The following MYH10 variants were observed in gnomAD, a reference collection of about 807,000 sequenced individuals.
MYH10 encodes myosin-10.
MYH10 carries 55 observed loss-of-function variants against 257.8 expected under a neutral mutation model. The ratio of observed to expected loss-of-function variants is 0.21; its 90% CI spans 0.17 to 0.27. The LOEUF (loss-of-function observed/expected upper bound fraction) is 0.27. Among genes scored for constraint, MYH10 ranks in the 10% least tolerant of loss-of-function variants. The pLI, the probability that MYH10 is intolerant of heterozygous loss-of-function variation, is 1.00. For synonymous variants in MYH10, 854 were observed against 921.7 expected, an observed-to-expected ratio of 0.93 and a Z score of 1.33; for missense variants, 1,631 against 2,500.6, an observed-to-expected ratio of 0.65 and a Z score of 7.42.
chr17:8,509,889 C>A lies in MYH10; in HGVS notation c.3013G>T (p.Val1005Leu). The A allele has an allele frequency of 6.2e-7, 1 of 1,613,372 alleles. No homozygotes were observed. The highest frequency in any genetic ancestry group is 8.5e-7 in the Non-Finnish European group (1 of 1,179,644). ...TTCTTGATCTTGGCCTCTGCTGTCA[C>A]CTTTTCCAGCTGCAGCTTTTGCCGA... is the stretch of plus-strand genomic sequence containing the variant. ...GARQKLQLEK[V>L]TAEAKIKKME... The change falls in exon 25 of 43, where the codon GTG becomes TTG. Residue 1005 changes from valine to leucine, a missense_variant. Coordinates refer to ENST00000360416, the MANE Select transcript of MYH10 (RefSeq NM_001256012.3).
At chr17:8,480,072 T>C (rs1913437159) in intron 40 of MYH10, 38 bp downstream of exon 40, 1 of 1,603,776 alleles carries the variant, frequency 6.2e-7, no homozygotes, top group African/African-American at 1.3e-5. Context: ...CTGAGCCTAG[T>C]TGGTAAGTTT....
At chr17:8,519,082 T>C (rs2081567937) in intron 19 of MYH10, 132 bp from the exon 20 acceptor site, 2 of 613,738 alleles carry the variant, frequency 3.3e-6, no homozygotes, top group South Asian at 2.3e-5. Flanking sequence ...TAATACATGT[T>C]CAAGAAATGA....
intron 9 of MYH10, among the ~76,000 whole-genome samples, chr17:8,549,869 T>C (rs1306935479): frequency 6.6e-6 from 1 of 151,052 alleles, no homozygotes; most frequent in Non-Finnish European, 1.5e-5. Context: ...TGACTGGTTT[T>C]GGTGGAGACG....
intron 21 of MYH10, 55 bp downstream of exon 21, chr17:8,518,576 T>C: frequency 6.4e-7 from 1 of 1,558,136 alleles, no homozygotes; most frequent in South Asian, 1.2e-5. Flanking sequence ...AATGCAATGC[T>C]TATCTAGCAC....
chr17:8,615,065 G>GTCACC (rs2085203072), intron 2 of MYH10, among the ~76,000 whole-genome samples: 1 of 152,146 alleles, frequency 6.6e-6, no homozygotes, highest in Non-Finnish European at 1.5e-5. Flanking sequence ...AGGTCAAAGT[G>GTCACC]GGTGAATTGC....
At chr17:8,579,105 A>T (rs1244152860) in intron 4 of MYH10, among the ~76,000 whole-genome samples, 1 of 151,992 alleles carries the variant, frequency 6.6e-6, no homozygotes. Context: ...AATGAGACCC[A>T]CATCTACAAA....
intron 3 of MYH10, among the ~76,000 whole-genome samples, chr17:8,599,994 C>T (rs2084530005): frequency 1.3e-5 from 2 of 152,092 alleles, no homozygotes; most frequent in Non-Finnish European, 2.9e-5. Context: ...AGATCTGGAG[C>T]CTGCAGAGGT....
chr17:8,627,037 A>T (rs1388204996), intron 1 of MYH10, among the ~76,000 whole-genome samples: 1 of 152,232 alleles, frequency 6.6e-6, no homozygotes, highest in Non-Finnish European at 1.5e-5. Flanking sequence ...CTAGATGGGG[A>T]AATGCTTGTA....
intron 17 of MYH10, among the ~76,000 whole-genome samples, chr17:8,525,311 C>G (rs2081805927): frequency 6.6e-6 from 1 of 152,230 alleles, no homozygotes; most frequent in Admixed American, 6.5e-5. Flanking sequence ...AACTTCCACA[C>G]TGTTTCTGTG....
intron 2 of MYH10, among the ~76,000 whole-genome samples, chr17:8,617,274 C>A (rs944775452): frequency 6.6e-6 from 1 of 152,120 alleles, no homozygotes; most frequent in Non-Finnish European, 1.5e-5. Context: ...CCATGAGCTG[C>A]CTTTCATGCC....
intron 4 of MYH10, among the ~76,000 whole-genome samples, chr17:8,583,420 T>TA (rs1284678506): frequency 6.6e-6 from 1 of 152,068 alleles, no homozygotes; most frequent in African/African-American, 2.4e-5. Context: ...TTTTTTTTTT[T>TA]AACAAGAGGA....
chr17:8,537,479 C>T (rs2082174265), intron 14 of MYH10, among the ~76,000 whole-genome samples: 1 of 152,182 alleles, frequency 6.6e-6, no homozygotes, highest in African/African-American at 2.4e-5. Flanking sequence ...TACCCCAGGG[C>T]TCCTCCACCT....
intron 6 of MYH10, among the ~76,000 whole-genome samples, chr17:8,576,144 T>C (rs2083490809): frequency 6.6e-6 from 1 of 152,208 alleles, no homozygotes; most frequent in African/African-American, 2.4e-5. Context: ...TGCCCAGCTC[T>C]AATTTATTTT....
rs1916012206 is a variant in MYH10, at chr17:8,492,961, T to C, written c.4273A>G (p.Lys1425Glu). The C allele has an allele frequency of 1.2e-6, 2 of 1,614,074 alleles. No individual in the cohort carries two copies. Among genetic ancestry groups the C allele is most frequent in the African/African-American group, 2.7e-5 (2 of 74,944 alleles). ...LGTIESLEEA[K>E]KKLLKDAEAL... ...TCCGCGTCCTTCAGAAGCTTCTTCT[T>C]GGCTTCTTCCAGACTTTCAATTGTT... The change falls in exon 33 of 43, where the codon AAG becomes GAG. Residue 1425 changes from lysine (K) to glutamate (E), a missense_variant. By Grantham distance (56) the Lys-to-Glu change is moderately conservative. Around this residue, in one of 11 missense-constraint regions of MYH10, gnomAD observed 463 missense variants for 621.8 expected, o/e 0.74. Transcript: ENST00000360416.
At chr17:8,611,595 A>C (rs556537961) in intron 2 of MYH10, among the ~76,000 whole-genome samples, 104 of 152,084 alleles carry the variant, frequency 6.8e-4, no homozygotes, top group Non-Finnish European at 1.3e-3. Context: ...CAAAACAAAA[A>C]AAGAAAACCA....
chr17:8,546,714 C>T (rs775737955), intron 11 of MYH10, 52 bp from the exon 12 acceptor site: 2 of 1,324,224 alleles, frequency 1.5e-6, no homozygotes, highest in East Asian at 4.6e-5. Context: ...ACAATCTACT[C>T]ACAATATATT....
intron 2 of MYH10, among the ~76,000 whole-genome samples, chr17:8,618,285 G>T (rs1420159493): frequency 2.9e-5 from 4 of 137,570 alleles, no homozygotes; most frequent in Non-Finnish European, 3.1e-5. Context: ...TTTCGCTCTT[G>T]TTGCCCAGGC....
chr17:8,592,803 G>C (rs1597917179), intron 3 of MYH10, among the ~76,000 whole-genome samples: 1 of 31,394 alleles, frequency 3.2e-5, no homozygotes, highest in Non-Finnish European at 5.9e-5. Flanking sequence ...ACCTTACCCT[G>C]ATAATGAAAT....
chr17:8,547,826 T>TTA lies in MYH10; in HGVS notation c.1159+485_1159+486dup, dbSNP rs56830455. 6.2e-3 allele frequency among the ~76,000 whole-genome samples: 917 copies of TTA among 147,040 alleles called. 12 individuals are homozygous for TTA. Among genetic ancestry groups the TTA allele is most frequent in the African/African-American group, 0.022 (877 of 40,420 alleles). ...TATTAAATATATATTTAATAATATATTATATATATATATTTGGGTCACAAA... is the reference window on the plus strand; with the variant it reads ...TATTAAATATATATTTAATAATATATTATATATATATATATTTGGGTCACAAA... On this transcript the variant is annotated intron_variant, in intron 11 of 42. Transcript: ENST00000360416.
Sources: gnomAD v4.1 joint callset for allele counts (sites outside exome capture counted in the v4.1 genomes callset) on GRCh38, gnomAD v4.1.1 for gene constraint, gnomAD v4.1.1 regional missense constraint, MANE v1.5 for transcripts, NCBI Gene and HGNC (gene_info 2026-07-23, HGNC 2026-07-21) for gene names.